The following SART3 variants were observed in gnomAD, a reference collection of about 807,000 sequenced individuals.
The protein encoded by SART3 is spliceosome associated factor 3, U4/U6 recycling protein.
SART3 carries 44 observed loss-of-function variants against 122.3 expected under a neutral mutation model. That is an observed-to-expected ratio of 0.36 (90% CI 0.28 to 0.46). The LOEUF (loss-of-function observed/expected upper bound fraction) is 0.46. Ranked by LOEUF, SART3 falls within the 20% of genes least tolerant of loss-of-function variation. SART3 has a pLI of 1.00. For missense variants in SART3, 1,101 were observed against 1,229.0 expected, an observed-to-expected ratio of 0.90 and a Z score of 1.56; for synonymous variants, 442 against 454.0, an observed-to-expected ratio of 0.97 and a Z score of 0.34.
intron 6 of SART3, 64 bp downstream of exon 6, chr12:108,542,964 C>A: frequency 6.2e-7 from 1 of 1,601,578 alleles, no homozygotes; most frequent in Non-Finnish European, 8.6e-7. Flanking sequence ...CTGTTTAACT[C>A]GCAACTATCC....
intron 18 of SART3, 93 bp from the exon 19 acceptor site, chr12:108,523,727 C>G: frequency 1.8e-6 from 2 of 1,132,456 alleles, no homozygotes; most frequent in South Asian, 2.6e-5. Flanking sequence ...TTTAATATAA[C>G]CAGAAGTTAA....
chr12:108,534,302 C>T lies in SART3; in HGVS notation c.1556+1057G>A, dbSNP rs74643401. ...CAATTTTAAGAGTGGAAAATGGATC[C>T]TGAGACCAAAAAAATTGTGAACTGC... is the stretch of plus-strand genomic sequence containing the variant. On this transcript the variant is annotated intron_variant, in intron 12 of 18. Coordinates refer to ENST00000546815, the MANE Select transcript of SART3 (RefSeq NM_014706.4). Among the ~76,000 whole-genome samples the T allele has an allele frequency of 5.3e-5, 8 of 151,906 alleles. No homozygotes were observed. The East Asian group carries it at 1.5e-3, about 29-fold the overall frequency.
In SART3 at chr12:108,522,291, AAT is replaced by A. The variant is rs1872162174; in HGVS notation, c.*1164_*1165del. On this transcript the variant is annotated 3_prime_UTR_variant, in exon 19 of 19. Transcript: ENST00000546815. ...ATATTAAAAAATGTTAAGTTAAAAA[AAT>A]ATAGAAAACCCGACTGATGCACAAA... Among the ~76,000 whole-genome samples, 1 of 152,226 alleles carries A rather than the reference AAT, an allele frequency of 6.6e-6. No individual in the cohort carries two copies. The highest frequency in any genetic ancestry group is 6.5e-5 in the Admixed American group (1 of 15,288).
intron 9 of SART3, 21 bp from the exon 10 acceptor site, chr12:108,536,806 A>G: frequency 6.2e-7 from 1 of 1,610,604 alleles, no homozygotes; most frequent in Non-Finnish European, 8.5e-7. Flanking sequence ...GTGCAAAAAA[A>G]GGCTTTAGGA....
In SART3 at chr12:108,549,212, C is replaced by A; in HGVS notation, c.315G>T (p.Leu105Phe). 6.2e-7 allele frequency: 1 copy of A among 1,614,086 alleles called. No homozygotes were observed. The highest frequency in any genetic ancestry group is 2.2e-5 in the East Asian group (1 of 44,878). Residue 105 changes from leucine to phenylalanine, a missense_variant and splice_region_variant, in exon 2 of 19, where the codon TTG becomes TTT. Leu to Phe is a conservative substitution (Grantham distance 22). Around this residue, in one of 2 missense-constraint regions of SART3, gnomAD observed 216 missense variants for 148.9 expected, o/e 1.45. Transcript: ENST00000546815. ...AGTTGTAGTCATAGACGTTGATAGACAACTAACAGGAAAAGAAACAAGTTG... is the reference window on the plus strand; with the variant it reads ...AGTTGTAGTCATAGACGTTGATAGAAAACTAACAGGAAAAGAAACAAGTTG... ...QLEIERLEEQ[L>F]SINVYDYNCH...
At position 108,523,730 on chromosome 12, in the gene SART3, G is replaced by A. The variant is rs542810510; in HGVS notation, c.2715-96C>T. 100 of 1,014,146 alleles carry A rather than the reference G, an allele frequency of 9.9e-5. No individual in the cohort carries two copies. The African/African-American group carries it at 1.5e-3, about 16-fold the overall frequency. The allele number at this position is 1,014,146 out of a possible 1,614,324, so 62.8% of individuals were successfully genotyped here. A position where few individuals can be genotyped will look rare whatever the true frequency, so the allele number is the denominator to read the frequency against. On this transcript the variant is annotated intron_variant, in intron 18 of 18. Coordinates refer to ENST00000546815, the MANE Select transcript of SART3 (RefSeq NM_014706.4). Reference sequence around the variant, plus strand: ...AGCCAAGACAGTTTTAATATAACCAGAAGTTAAAAGGTGAAAAAAAAAAAG... The same window carrying A: ...AGCCAAGACAGTTTTAATATAACCAAAAGTTAAAAGGTGAAAAAAAAAAAG...
In SART3 at chr12:108,535,443, T is replaced by C. The variant is rs1436945987; in HGVS notation, c.1472A>G (p.Lys491Arg). ...IEARLCNNMQKARELWDSIMT... is the reference protein window; with the variant it reads ...IEARLCNNMQRARELWDSIMT... ...GATGCTATCCCAGAGTTCCCGAGCT[T>C]TCTGCATGTTATTGCACAGTCGAGC... is the stretch of plus-strand genomic sequence containing the variant. The change falls in exon 12 of 19, where the codon AAA becomes AGA. Residue 491 changes from lysine to arginine, a missense_variant. By Grantham distance (26) the Lys-to-Arg change is conservative. Transcript: ENST00000546815. 6.8e-6 allele frequency: 11 copies of C among 1,614,122 alleles called. No homozygotes were observed. In the South Asian group the frequency reaches 1.1e-4, roughly 16 times the overall value.
chr12:108,525,759 G>A (rs117554940), intron 16 of SART3, 150 bp from the exon 17 acceptor site: 10,396 of 787,200 alleles, frequency 0.013, 98 homozygotes, highest in Non-Finnish European at 0.018. Context: ...TGGGGCCACC[G>A]GAGCGAGTCA....
intron 16 of SART3, 102 bp downstream of exon 16, chr12:108,525,997 C>T (rs139547025): frequency 3.7e-4 from 369 of 997,354 alleles, no homozygotes; most frequent in Non-Finnish European, 3.6e-4. Context: ...CCAAACAGAG[C>T]GTAAAACTTC....
chr12:108,524,988 C>T, intron 17 of SART3: 1 of 286,090 alleles, frequency 3.5e-6, no homozygotes, highest in South Asian at 3.6e-5. Flanking sequence ...AAACCACTTA[C>T]TACTCAAAAT....
chr12:108,560,490 C>G (rs996622340), intron 1 of SART3: 91 of 390,288 alleles, frequency 2.3e-4, no homozygotes, highest in Non-Finnish European at 2.1e-4. Context: ...TACTGTTGGA[C>G]GTGTGGTTAA....
At position 108,544,410 on chromosome 12, in the gene SART3, A is replaced by C. The variant is rs770064579; in HGVS notation, c.781+17T>G. On this transcript the variant is annotated intron_variant, in intron 5 of 18. Transcript: ENST00000546815. ...AAACCATAGAGGGCTGGCTGTTGACATGTCAGTTTCTCTTACCATAGAGTG... is the reference window on the plus strand; with the variant it reads ...AAACCATAGAGGGCTGGCTGTTGACCTGTCAGTTTCTCTTACCATAGAGTG... The C allele has an allele frequency of 3.7e-6, 6 of 1,605,750 alleles. No homozygotes were observed. The Admixed American group carries it at 8.3e-5, about 22-fold the overall frequency.
rs775733020 is a variant in SART3 at position 108,536,709 on chromosome 12, C to T, written c.1386G>A (p.Glu462=). 9.9e-6 allele frequency: 16 copies of T among 1,614,010 alleles called. No individual in the cohort carries two copies. The highest frequency in any genetic ancestry group is 1.4e-5 in the Non-Finnish European group (16 of 1,179,944). ...AACCACAGGCTGGGGCATACTTACG[C>T]TCTTCCACCTCCTGCTTCAGATACT... is the stretch of plus-strand genomic sequence containing the variant. ...ALEYLKQEVE[E]RFNESGDPSC... Residue 462 remains glutamate (E), a splice_region_variant and synonymous_variant, in exon 10 of 19, where the codon GAG becomes GAA. Coordinates refer to ENST00000546815, the MANE Select transcript of SART3 (RefSeq NM_014706.4).
At chr12:108,557,452 T>A (rs1318159941) in intron 1 of SART3, among the ~76,000 whole-genome samples, 2 of 152,140 alleles carry the variant, frequency 1.3e-5, no homozygotes, top group Non-Finnish European at 2.9e-5. Flanking sequence ...TACCTAGCTG[T>A]ACTAGAATGG....
At position 108,529,285 on chromosome 12, in the gene SART3, ACACATG is replaced by A. The variant is rs547218745; in HGVS notation, c.1915+851_1915+856del. Among the ~76,000 whole-genome samples the A allele has an allele frequency of 2.6e-5, 4 of 152,330 alleles. No individual in the cohort carries two copies. In the South Asian group the frequency reaches 8.3e-4, roughly 32 times the overall value. ...AGTAAATATGGTCATAAATATGTGT[ACACATG>A]CACACGCACACGCACACACACACAC... On this transcript the variant is annotated intron_variant, in intron 15 of 18. Transcript: ENST00000546815.
At chr12:108,523,816 T>C in intron 18 of SART3, 182 bp from the exon 19 acceptor site, 1 of 664,300 alleles carries the variant, frequency 1.5e-6, no homozygotes, top group Non-Finnish European at 2.6e-6. Flanking sequence ...TCAACAGACT[T>C]GGCCTTGTTC....
chr12:108,523,472 C>T lies in SART3; in HGVS notation c.2877G>A (p.Leu959=). 6.2e-7 allele frequency: 1 copy of T among 1,612,618 alleles called. No individual in the cohort carries two copies. The highest frequency in any genetic ancestry group is 8.5e-7 in the Non-Finnish European group (1 of 1,180,006). Residue 959 remains leucine (L), a synonymous_variant, in exon 19 of 19, where the codon CTG becomes CTA. Coordinates refer to ENST00000546815, the MANE Select transcript of SART3 (RefSeq NM_014706.4). ...AGCGTCCCGTTCACTTTCTCAGAAA[C>T]AGCTTGGCAAAATCGGCATTGGACA... ...PKMSNADFAK[L]FLRK
At chr12:108,553,735 TG>T (rs2030102263) in intron 1 of SART3, among the ~76,000 whole-genome samples, 1 of 152,232 alleles carries the variant, frequency 6.6e-6, no homozygotes, top group Non-Finnish European at 1.5e-5. Flanking sequence ...AACCTTTAAA[TG>T]GAGTGGGGAC....
chr12:108,526,065 A>G, intron 16 of SART3, 34 bp downstream of exon 16: 5 of 1,555,944 alleles, frequency 3.2e-6, no homozygotes, highest in Non-Finnish European at 4.4e-6. Flanking sequence ...AAGCAACCAC[A>G]GATGAAAGGC....
Sources: allele counts gnomAD v4.1 joint callset (sites outside exome capture counted in the v4.1 genomes callset), GRCh38; gene constraint gnomAD v4.1.1; regional missense constraint gnomAD v4.1.1; transcripts MANE v1.5; gene names NCBI Gene and HGNC (gene_info 2026-07-23, HGNC 2026-07-21).